PTPRH: variants seen among roughly 807,000 people sequenced by gnomAD.
PTPRH encodes protein tyrosine phosphatase receptor type H.
Under a neutral mutation model 130.2 loss-of-function variants are expected in PTPRH, and 113 were observed. The ratio of observed to expected loss-of-function variants is 0.87; its 90% CI spans 0.75 to 1.01. The LOEUF (loss-of-function observed/expected upper bound fraction) is 1.01, where lower values mean the gene tolerates loss of function less well. Ranked by LOEUF, PTPRH falls within the 50% of genes least tolerant of loss-of-function variation. The pLI, the probability that PTPRH is intolerant of heterozygous loss-of-function variation, is 0.00. For missense variants in PTPRH, 1,430 were observed against 1,425.0 expected (o/e 1.00, Z -0.06); for synonymous variants, 556 against 577.9 (o/e 0.96, Z 0.54).
In PTPRH at chr19:55,188,075, C is replaced by T. The variant is rs755265700; in HGVS notation, c.2475+3G>A. 2 of 1,613,224 alleles carry T rather than the reference C, an allele frequency of 1.2e-6. No individual in the cohort carries two copies. Among genetic ancestry groups the T allele is most frequent in the Admixed American group, 1.7e-5 (1 of 60,012 alleles). ...GAGCTCAGCCCCTCTGTCCTCTCCC[C>T]ACCTGGTACTCGTCTGCAAAACCAC... On this transcript the variant is annotated splice_donor_region_variant and intron_variant, in intron 13 of 19. Transcript: ENST00000376350.
In PTPRH at chr19:55,198,822, G is replaced by C. The variant is rs1431375927; in HGVS notation, c.1511C>G (p.Ser504Cys). Residue 504 changes from serine (S) to cysteine (C), a missense_variant, in exon 8 of 20, where the codon TCT (serine) becomes TGT (cysteine). Ser to Cys is a moderately radical substitution (Grantham distance 112). Coordinates refer to ENST00000376350, the MANE Select transcript of PTPRH (RefSeq NM_002842.5). ...RWTAPQGPGQ[S>C]SYSYWVSWVR... Reference sequence around the variant, plus strand: ...CCATGAGACCCAGTAGCTGTAGGAAGACTGGCCTGGGCCCTGGGGAGCTGT... The same window carrying C: ...CCATGAGACCCAGTAGCTGTAGGAACACTGGCCTGGGCCCTGGGGAGCTGT... The C allele has an allele frequency of 1.2e-6, 2 of 1,608,414 alleles. No homozygotes were observed. The highest frequency in any genetic ancestry group is 1.7e-4 in the Middle Eastern group (1 of 6,048).
intron 8 of PTPRH, 76 bp from the exon 9 acceptor site, chr19:55,197,492 C>T (rs566668830): frequency 7.2e-7 from 1 of 1,384,356 alleles, no homozygotes; most frequent in Non-Finnish European, 1.0e-6. Flanking sequence ...CTCTCCCCCA[C>T]AGCAAAGCTG....
Position 55,185,654 on chromosome 19 carries a change from C to T in PTPRH, c.2910G>A (p.Glu970=). 6.2e-7 allele frequency: 1 copy of T among 1,613,948 alleles called. No individual in the cohort carries two copies. Among genetic ancestry groups the T allele is most frequent in the East Asian group, 2.2e-5 (1 of 44,880 alleles). Residue 970 remains glutamate (E), a synonymous_variant, in exon 18 of 20, where the codon GAG becomes GAA. Transcript: ENST00000376350. ...VRELLLLQVE[E]QKTLSVRQFH... ...ATTGGCGCACAGACAGTGTCTTCTG[C>T]TCCTCCACCTGGAAGGAGGGAGCAC...
At position 55,187,534 on chromosome 19, in the gene PTPRH, G is replaced by C; in HGVS notation, c.2545C>G (p.Arg849Gly). The part of the protein sequence containing the change: ...ASASENNAKN[R>G]YRNVLPYDWS... ...TCACAGGGCAGCACATTTCTGTAGC[G>C]GTTCTTGGCGTTGTTCTCTGAAGCC... The change falls in exon 14 of 20, where the codon CGC (arginine) becomes GGC (glycine). Residue 849 changes from arginine to glycine, a missense_variant. Arg to Gly is a moderately radical substitution (Grantham distance 125). Coordinates refer to ENST00000376350, the MANE Select transcript of PTPRH (RefSeq NM_002842.5). 1.2e-6 allele frequency: 2 copies of C among 1,612,878 alleles called. No homozygotes were observed. Among genetic ancestry groups the C allele is most frequent in the Non-Finnish European group, 1.7e-6 (2 of 1,179,282 alleles).
intron 2 of PTPRH, 56 bp downstream of exon 2, chr19:55,207,110 G>T: frequency 6.2e-7 from 1 of 1,607,960 alleles, no homozygotes; most frequent in Non-Finnish European, 8.5e-7. Context: ...GAGGCTCACG[G>T]CAGTTGCGGT....
At position 55,182,035 on chromosome 19, in the gene PTPRH, G is replaced by A. The variant is rs369550775; in HGVS notation, c.3179C>T (p.Pro1060Leu). 1.1e-5 allele frequency: 17 copies of A among 1,614,026 alleles called. No individual in the cohort carries two copies. Among genetic ancestry groups the A allele is most frequent in the African/African-American group, 8.0e-5 (6 of 75,014 alleles). ...CCTCACCTCAGTCTGCACCATCAAC[G>A]GCCGACTCTCTCTCATCTTCCTTAC... Reference protein sequence around the residue: ...SFVRKMRESRPLMVQTEAQYV... With the variant: ...SFVRKMRESRLLMVQTEAQYV... The change falls in exon 19 of 20, where the codon CCG (proline) becomes CTG (leucine). Residue 1060 changes from proline to leucine, a missense_variant. Coordinates refer to ENST00000376350, the MANE Select transcript of PTPRH (RefSeq NM_002842.5).
At position 55,181,838 on chromosome 19, in the gene PTPRH, G is replaced by T; in HGVS notation, c.3264C>A (p.Ala1088=). The T allele has an allele frequency of 6.2e-7, 1 of 1,614,176 alleles. No homozygotes were observed. The highest frequency in any genetic ancestry group is 1.7e-5 in the Admixed American group (1 of 60,020). Reference sequence around the variant, plus strand: ...CATCCTCATACGGGACTTCCTTCTCGGCTGGGGCCTGGGCTGACTGTTGGA... The same window carrying T: ...CATCCTCATACGGGACTTCCTTCTCTGCTGGGGCCTGGGCTGACTGTTGGA... ...RFLQQSAQAP[A]EKEVPYEDVE... is the part of the protein sequence containing the mutation. Residue 1088 remains alanine (A), a synonymous_variant, in exon 20 of 20, where the codon GCC becomes GCA. Transcript: ENST00000376350.
At chr19:55,183,449 C>A (rs1290620156) in intron 18 of PTPRH, among the ~76,000 whole-genome samples, 1 of 151,852 alleles carries the variant, frequency 6.6e-6, no homozygotes, top group Non-Finnish European at 1.5e-5. Flanking sequence ...TTAAGCTGGG[C>A]GCACTGGCTC....
Position 55,209,316 on chromosome 19 carries a change from C to T in PTPRH, c.51+67G>A. 7.1e-7 allele frequency: 1 copy of T among 1,399,182 alleles called. No individual in the cohort carries two copies. Among genetic ancestry groups the T allele is most frequent in the Non-Finnish European group, 9.9e-7 (1 of 1,007,768 alleles). 86.7% of individuals were successfully genotyped at this position (1,399,182 alleles called of 1,614,324 possible). ...TCCTCAAGATCGAGGTGCAGGCACC[C>T]AGCTCCTTCTCCCTCAGACCTGGGA... On this transcript the variant is annotated intron_variant, in intron 1 of 19. Coordinates refer to ENST00000376350, the MANE Select transcript of PTPRH (RefSeq NM_002842.5). This position sits in a 1 kb window ranked among gnomAD's most constrained non-coding sequence, Gnocchi z 4.1.
chr19:55,189,540 T>A (rs1452972452), intron 12 of PTPRH, among the ~76,000 whole-genome samples: 1 of 152,204 alleles, frequency 6.6e-6, no homozygotes, highest in Non-Finnish European at 1.5e-5. Flanking sequence ...ACGTGTGCTG[T>A]TGCCTCAGGC....
At chr19:55,191,834 C>G in intron 10 of PTPRH, 93 bp from the exon 11 acceptor site, 1 of 1,147,576 alleles carries the variant, frequency 8.7e-7, no homozygotes, top group Non-Finnish European at 1.3e-6. Context: ...TCCCCAGGAG[C>G]CTGGTCCAAA....
intron 12 of PTPRH, 147 bp downstream of exon 12, chr19:55,191,354 C>A (rs2086529016): frequency 1.1e-6 from 1 of 905,638 alleles, no homozygotes; most frequent in South Asian, 1.5e-5. Flanking sequence ...ATGGAAGGGC[C>A]GTGGTCCCTG....
At chr19:55,182,201 C>T (rs1249402539) in intron 18 of PTPRH, 50 bp from the exon 19 acceptor site, 1 of 1,589,856 alleles carries the variant, frequency 6.3e-7, no homozygotes, top group Admixed American at 1.7e-5. Context: ...GTGTGAGGGT[C>T]CGGGGTCATG....
At chr19:55,187,440 A>C in intron 14 of PTPRH, 73 bp downstream of exon 14, 2 of 1,119,704 alleles carry the variant, frequency 1.8e-6, no homozygotes, top group Non-Finnish European at 2.6e-6. Context: ...CAAAGCGGGT[A>C]GGAGAAGGGG....
intron 10 of PTPRH, chr19:55,192,185 G>C (rs374574973): frequency 5.7e-6 from 2 of 351,924 alleles, no homozygotes; most frequent in African/African-American, 2.1e-5. Flanking sequence ...GGCACATCAC[G>C]AGGTCAGGAG....
chr19:55,209,359 C>A lies in PTPRH; in HGVS notation c.51+24G>T. 6 of 1,558,178 alleles carry A rather than the reference C, an allele frequency of 3.9e-6. No homozygotes were observed. The highest frequency in any genetic ancestry group is 5.2e-6 in the Non-Finnish European group (6 of 1,150,364). ...ACCTGGGAGTCCCTGCCTTGGGAGC[C>A]CGCTCTGGGCGGGGAGCACTTACCA... On this transcript the variant is annotated intron_variant, in intron 1 of 19. Coordinates refer to ENST00000376350, the MANE Select transcript of PTPRH (RefSeq NM_002842.5). The surrounding 1 kb of genome is among the most constrained non-coding windows in gnomAD (Gnocchi z 4.1).
At chr19:55,203,000 T>TA (rs1183223624) in intron 5 of PTPRH, among the ~76,000 whole-genome samples, 3 of 147,794 alleles carry the variant, frequency 2.0e-5, no homozygotes, top group African/African-American at 7.6e-5. Flanking sequence ...ATCATGCCAC[T>TA]ACATTTCAGC....
intron 13 of PTPRH, 133 bp from the exon 14 acceptor site, chr19:55,187,736 C>T (rs1368619583): frequency 1.3e-5 from 9 of 683,994 alleles, no homozygotes; most frequent in Admixed American, 2.3e-5. Context: ...TATATGGCAC[C>T]CACAAAAACA....
intron 8 of PTPRH, 37 bp from the exon 9 acceptor site, chr19:55,197,453 C>T (rs920419124): frequency 1.1e-5 from 18 of 1,571,252 alleles, no homozygotes; most frequent in South Asian, 4.6e-5. Flanking sequence ...GGGGTATCCT[C>T]GAAGACCCTC....
Sources: allele counts gnomAD v4.1 joint callset (sites outside exome capture counted in the v4.1 genomes callset), GRCh38; gene constraint gnomAD v4.1.1; non-coding constraint Gnocchi (gnomAD v3.1); transcripts MANE v1.5; gene names NCBI Gene and HGNC (gene_info 2026-07-23, HGNC 2026-07-21).